The following CHL1 variants were observed in gnomAD, a reference collection of about 807,000 sequenced individuals.
CHL1 encodes cell adhesion molecule L1 like.
CHL1 carries 96 observed loss-of-function variants against 141.9 expected under a neutral mutation model. That is an observed-to-expected ratio of 0.68 (90% CI 0.57 to 0.80). CHL1 has a LOEUF of 0.80. CHL1 is among the 30% of genes least tolerant of loss of function. The pLI is 0.00. For synonymous variants in CHL1, 613 were observed against 502.2 expected (o/e 1.22, Z -2.95); for missense variants, 1,820 against 1,457.2 (o/e 1.25, Z -4.05).
intron 20 of CHL1, among the ~76,000 whole-genome samples, 181 bp from the exon 21 acceptor site, chr3:390,520 C>T (rs765400116): frequency 6.6e-6 from 1 of 152,172 alleles, no homozygotes; most frequent in Admixed American, 6.5e-5. Flanking sequence ...CTGTCCTCTT[C>T]TTTGGGAAAT....
intron 2 of CHL1, among the ~76,000 whole-genome samples, chr3:310,645 A>T (rs1334556351): frequency 6.6e-6 from 1 of 152,180 alleles, no homozygotes; most frequent in Non-Finnish European, 1.5e-5. Flanking sequence ...AATTTCTCTC[A>T]TACTACCGGT....
rs940997999 is a variant in CHL1 at position 256,601 on chromosome 3, A to T, written c.-95+11909A>T. On this transcript the variant is annotated intron_variant, in intron 2 of 27. Transcript: ENST00000256509. ...CAAAGATGCTGCTACATGTTCTGCA[A>T]CACTCAGGACAACTGAATGCCCAAA... 3.3e-5 allele frequency among the ~76,000 whole-genome samples: 5 copies of T among 152,320 alleles called. No homozygotes were observed. In the East Asian group the frequency reaches 9.6e-4, roughly 29 times the overall value.
chr3:399,282 G>T, intron 26 of CHL1, 134 bp downstream of exon 26: 1 of 664,102 alleles, frequency 1.5e-6, no homozygotes, highest in South Asian at 1.9e-5. Context: ...ACAATGCACT[G>T]ACAGGAAAAA....
chr3:224,739 G>A (rs142403702), intron 1 of CHL1, among the ~76,000 whole-genome samples: 3 of 152,194 alleles, frequency 2.0e-5, no homozygotes, highest in Admixed American at 2.0e-4. Flanking sequence ...AGCAATGCAA[G>A]AATGGCCTAA....
intron 1 of CHL1, among the ~76,000 whole-genome samples, chr3:212,896 T>C (rs1365933190): frequency 6.6e-6 from 1 of 152,246 alleles, no homozygotes; most frequent in Non-Finnish European, 1.5e-5. Context: ...TTGTGTCATA[T>C]CTTTGTGCCA....
At chr3:316,883 C>T (rs766106347) in intron 2 of CHL1, among the ~76,000 whole-genome samples, 1 of 151,944 alleles carries the variant, frequency 6.6e-6, no homozygotes, top group Non-Finnish European at 1.5e-5. Context: ...GCATTAAATG[C>T]CATTGTTTCA....
chr3:345,119 T>A (rs1702654925), intron 9 of CHL1, among the ~76,000 whole-genome samples: 1 of 152,202 alleles, frequency 6.6e-6, no homozygotes, highest in African/African-American at 2.4e-5. Flanking sequence ...TAAAATTAGA[T>A]CTCTCTGTCA....
chr3:250,617 G>A (rs892179177), intron 2 of CHL1, among the ~76,000 whole-genome samples: 3 of 152,070 alleles, frequency 2.0e-5, no homozygotes, highest in African/African-American at 7.2e-5. Context: ...GCCTATAGTG[G>A]GGAGGCAAAG....
intron 5 of CHL1, among the ~76,000 whole-genome samples, chr3:331,785 A>G (rs1373240036): frequency 6.6e-6 from 1 of 152,182 alleles, no homozygotes; most frequent in African/African-American, 2.4e-5. Context: ...ACATATATAA[A>G]CTTGAACCTC....
chr3:366,373 G>C (rs768857160), intron 15 of CHL1, among the ~76,000 whole-genome samples: 3 of 151,620 alleles, frequency 2.0e-5, no homozygotes, highest in Non-Finnish European at 4.4e-5. Flanking sequence ...CGAGAGGCTG[G>C]TGCACAAGAA....
At chr3:356,873 G>C (rs1703768911) in intron 11 of CHL1, among the ~76,000 whole-genome samples, 1 of 152,142 alleles carries the variant, frequency 6.6e-6, no homozygotes, top group Non-Finnish European at 1.5e-5. Flanking sequence ...AATACACTAG[G>C]CAGCTCTTGG....
At chr3:341,172 C>G (rs1311399610) in intron 6 of CHL1, among the ~76,000 whole-genome samples, 1 of 152,132 alleles carries the variant, frequency 6.6e-6, no homozygotes, top group East Asian at 1.9e-4. Context: ...CTAGCTTCAT[C>G]TTTCTATTTT....
At chr3:344,237 A>G (rs917218582) in intron 8 of CHL1, among the ~76,000 whole-genome samples, 4 of 152,228 alleles carry the variant, frequency 2.6e-5, no homozygotes, top group African/African-American at 4.8e-5. Context: ...ATAAAAACAT[A>G]AACATAAAGT....
intron 1 of CHL1, among the ~76,000 whole-genome samples, chr3:206,192 A>C (rs3956145): frequency 1.3e-5 from 2 of 152,198 alleles, no homozygotes; most frequent in Non-Finnish European, 2.9e-5. Context: ...AACCTGCCAG[A>C]GGTGGTGGTG....
At chr3:345,229 T>A (rs1456152438) in intron 9 of CHL1, among the ~76,000 whole-genome samples, 1 of 152,040 alleles carries the variant, frequency 6.6e-6, no homozygotes, top group African/African-American at 2.4e-5. Context: ...CTTTTGGTGC[T>A]GAGTTTTCTC....
intron 2 of CHL1, among the ~76,000 whole-genome samples, chr3:273,181 A>T (rs1245628170): frequency 6.6e-6 from 1 of 152,174 alleles, no homozygotes; most frequent in Non-Finnish European, 1.5e-5. Flanking sequence ...TCAGCACTTT[A>T]TGAAGTTTTG....
intron 18 of CHL1, among the ~76,000 whole-genome samples, chr3:383,156 T>G (rs1243132286): frequency 1.3e-5 from 2 of 152,210 alleles, no homozygotes; most frequent in Non-Finnish European, 2.9e-5. Flanking sequence ...TTATTTTTCC[T>G]TGGCTAAAAT....
At position 366,149 on chromosome 3, in the gene CHL1, G is replaced by T. The variant is rs767617827; in HGVS notation, c.1751+34G>T. On this transcript the variant is annotated intron_variant, in intron 15 of 27. Coordinates refer to ENST00000256509, the MANE Select transcript of CHL1 (RefSeq NM_006614.4). ...ACTATTATGATATGTCATAATATTT[G>T]CTTGGGGTAAACAACTTGCATTTGA... is the stretch of plus-strand genomic sequence containing the variant. 5 of 1,590,666 alleles carry T rather than the reference G, an allele frequency of 3.1e-6. No homozygotes were observed. In the African/African-American group the frequency reaches 5.4e-5, roughly 17 times the overall value.
intron 2 of CHL1, among the ~76,000 whole-genome samples, chr3:299,728 G>T (rs1444894459): frequency 6.6e-6 from 1 of 152,106 alleles, no homozygotes; most frequent in African/African-American, 2.4e-5. Flanking sequence ...AGGCTTCGAA[G>T]CTTGCACATT....
Sources: gnomAD v4.1 joint callset for allele counts (sites outside exome capture counted in the v4.1 genomes callset) on GRCh38, gnomAD v4.1.1 for gene constraint, MANE v1.5 for transcripts, NCBI Gene and HGNC (gene_info 2026-07-23, HGNC 2026-07-21) for gene names.